Variants in PTPRQ observed in about 807,000 individuals in gnomAD.
PTPRQ encodes the protein protein tyrosine phosphatase receptor type Q.
In PTPRQ, 199 loss-of-function variants were observed where a neutral mutation model predicts 246.0. The ratio of observed to expected loss-of-function variants is 0.81; its 90% CI spans 0.72 to 0.91. The LOEUF (loss-of-function observed/expected upper bound fraction) is 0.91. Ranked by LOEUF, PTPRQ falls within the 40% of genes least tolerant of loss-of-function variation. The pLI is 0.00. For synonymous variants in PTPRQ, 869 were observed against 853.2 expected (o/e 1.02, Z -0.32); for missense variants, 2,624 against 2,528.4 (o/e 1.04, Z -0.81).
Position 80,649,617 on chromosome 12 carries a change from A to G in PTPRQ, c.5972A>G (p.His1991Arg). Reference sequence around the variant, plus strand: ...ATAAGCAAGAAATCCTTCCTGCAACATGTTGAAGAGCTTTGCACAAACAAC... The same window carrying G: ...ATAAGCAAGAAATCCTTCCTGCAACGTGTTGAAGAGCTTTGCACAAACAAC... Reference protein sequence around the residue: ...KPISKKSFLQHVEELCTNNNL... With the variant: ...KPISKKSFLQRVEELCTNNNL... The change falls in exon 37 of 45, where the codon CAT becomes CGT. Residue 1991 changes from histidine (H) to arginine (R), a missense_variant. Transcript: ENST00000644991. 1.3e-6 allele frequency: 2 copies of G among 1,549,996 alleles called. No individual in the cohort carries two copies. The highest frequency in any genetic ancestry group is 1.7e-6 in the Non-Finnish European group (2 of 1,145,906).
chr12:80,499,103 A>G (rs904362913), intron 14 of PTPRQ, among the ~76,000 whole-genome samples: 2 of 82,982 alleles, frequency 2.4e-5, no homozygotes, highest in Non-Finnish European at 5.7e-5. Context: ...CACAAGTTAT[A>G]GTACATGAGA....
intron 25 of PTPRQ, among the ~76,000 whole-genome samples, chr12:80,560,648 C>T (rs1420081899): frequency 2.0e-5 from 3 of 152,170 alleles, no homozygotes; most frequent in Non-Finnish European, 4.4e-5. Flanking sequence ...TTAAGATACA[C>T]ATACATACAA....
At chr12:80,660,682 G>T (rs1412774288) in intron 39 of PTPRQ, among the ~76,000 whole-genome samples, 1 of 151,972 alleles carries the variant, frequency 6.6e-6, no homozygotes, top group African/African-American at 2.4e-5. Context: ...AGAGATTAAA[G>T]GCTATCATGC....
In PTPRQ at chr12:80,449,015, T is replaced by G. The variant is rs1592512497; in HGVS notation, c.390+3298T>G. On this transcript the variant is annotated intron_variant, in intron 3 of 44. Coordinates refer to ENST00000644991, the MANE Select transcript of PTPRQ (RefSeq NM_001145026.2). ...AACAGTGTAAAAGTGTTCCTATTTC[T>G]CCATATCCTCTCCAGCACTTGTTCT... is the stretch of plus-strand genomic sequence containing the variant. Among the ~76,000 whole-genome samples, 5 of 151,998 alleles carry G rather than the reference T, an allele frequency of 3.3e-5. No individual in the cohort carries two copies. The South Asian group carries it at 1.0e-3, about 32-fold the overall frequency.
chr12:80,571,821 C>G (rs556950792), intron 25 of PTPRQ, among the ~76,000 whole-genome samples: 20 of 151,930 alleles, frequency 1.3e-4, no homozygotes, highest in Non-Finnish European at 2.7e-4. Context: ...ATAGGTCAAT[C>G]ACTTGACCCT....
intron 22 of PTPRQ, 139 bp downstream of exon 22, chr12:80,542,503 T>A: frequency 8.3e-7 from 1 of 1,200,564 alleles, no homozygotes; most frequent in Non-Finnish European, 1.1e-6. Flanking sequence ...ACTTTGTTGA[T>A]TTTTTTTTGC....
chr12:80,465,662 C>G (rs1157280350), intron 6 of PTPRQ: 2 of 152,208 alleles, frequency 1.3e-5, no homozygotes, highest in Non-Finnish European at 2.9e-5. Context: ...CCACCATGAT[C>G]AAGTGGGCTT....
At position 80,670,471 on chromosome 12, in the gene PTPRQ, C is replaced by T. The variant is rs367750989; in HGVS notation, c.6581C>T (p.Thr2194Ile). 1 of 1,549,892 alleles carries T rather than the reference C, an allele frequency of 6.5e-7. No homozygotes were observed. Among genetic ancestry groups the T allele is most frequent in the Admixed American group, 2.0e-5 (1 of 50,736 alleles). Residue 2194 changes from threonine to isoleucine, a missense_variant, in exon 42 of 45, where the codon ACA (threonine) becomes ATA (isoleucine). Coordinates refer to ENST00000644991, the MANE Select transcript of PTPRQ (RefSeq NM_001145026.2). ...LVRASRAHDT[T>I]PMIVHCSAGV... ...CGAGCAAGCAGGGCACATGACACCA[C>T]ACCTATGATTGTTCACTGCAGGTGA...
At chr12:80,499,609 G>A (rs1894735198) in intron 14 of PTPRQ, among the ~76,000 whole-genome samples, 1 of 151,932 alleles carries the variant, frequency 6.6e-6, no homozygotes, top group Non-Finnish European at 1.5e-5. Flanking sequence ...GAAATTGAGT[G>A]ATGTGTTAAC....
Position 80,496,515 on chromosome 12 carries a change from A to G in PTPRQ, c.2256A>G (p.Val752=), listed in dbSNP as rs551059621. ...HGNQVSSLLS[V]RTSETVPDSA... ...ATCAGGTATCTTCTTTACTCTCTGTAAGGACTTCGGAGACTGGTGAGCTTT... is the reference window on the plus strand; with the variant it reads ...ATCAGGTATCTTCTTTACTCTCTGTGAGGACTTCGGAGACTGGTGAGCTTT... The change falls in exon 14 of 45, where the codon GTA becomes GTG. Residue 752 remains valine, a synonymous_variant. Transcript: ENST00000644991. The G allele has an allele frequency of 1.3e-4, 200 of 1,538,936 alleles. No homozygotes were observed. Among genetic ancestry groups the G allele is most frequent in the Non-Finnish European group, 1.7e-4 (194 of 1,143,074 alleles).
At chr12:80,575,292 A>G (rs12297935) in intron 25 of PTPRQ, among the ~76,000 whole-genome samples, 3,099 of 152,294 alleles carry the variant, frequency 0.02, 98 homozygotes, top group African/African-American at 0.07. Flanking sequence ...TTTTTGTTCT[A>G]AAAATCTTTT....
At chr12:80,559,847 A>T (rs1475502366) in intron 25 of PTPRQ, among the ~76,000 whole-genome samples, 1 of 152,148 alleles carries the variant, frequency 6.6e-6, no homozygotes, top group Non-Finnish European at 1.5e-5. Flanking sequence ...TCCTGTCCAC[A>T]TTTTGTAAAA....
intron 8 of PTPRQ, among the ~76,000 whole-genome samples, chr12:80,482,056 C>G (rs1223194914): frequency 2.0e-5 from 3 of 149,928 alleles, no homozygotes; most frequent in African/African-American, 7.4e-5. Context: ...AAAAAAGAGC[C>G]CGCATCGCCA....
chr12:80,652,626 AGGTG>A (rs1900293017), intron 37 of PTPRQ, 114 bp from the exon 38 acceptor site: 2 of 962,724 alleles, frequency 2.1e-6, no homozygotes, highest in South Asian at 2.6e-5. Context: ...CAGTTATGAT[AGGTG>A]TTTTTAATTT....
intron 11 of PTPRQ, 43 bp from the exon 12 acceptor site, chr12:80,495,149 G>A: frequency 6.5e-7 from 1 of 1,548,094 alleles, no homozygotes; most frequent in Non-Finnish European, 8.7e-7. Flanking sequence ...GTTGTACACT[G>A]TGATACTTTT....
rs1400331385 is a variant in PTPRQ at position 80,642,918 on chromosome 12, T to TCAA, written c.5916-5979_5916-5978insCAA. ...CTGGGCGACAGAGCGAGACTCCGTC[T>TCAA]TAAAAAAAAAAAAAAAAAAAAAAAA... On this transcript the variant is annotated intron_variant, in intron 35 of 44. Transcript: ENST00000644991. Among the ~76,000 whole-genome samples, 445 of 69,336 alleles carry TCAA rather than the reference T, an allele frequency of 6.4e-3. 51 individuals are homozygous for TCAA. The highest frequency in any genetic ancestry group is 0.039 in the African/African-American group (293 of 7,518). 45.5% of individuals were successfully genotyped at this position (69,336 alleles called of 152,430 possible).
At chr12:80,655,232 A>C (rs984753805) in intron 38 of PTPRQ, among the ~76,000 whole-genome samples, 1 of 152,166 alleles carries the variant, frequency 6.6e-6, no homozygotes, top group Non-Finnish European at 1.5e-5. Flanking sequence ...CCTGGGTTAC[A>C]TATCTGTTTA....
chr12:80,498,362 C>G (rs1894692619), intron 14 of PTPRQ, among the ~76,000 whole-genome samples: 1 of 151,924 alleles, frequency 6.6e-6, no homozygotes, highest in Non-Finnish European at 1.5e-5. Context: ...AAAACTAAGT[C>G]TAACGAAAAA....
rs574844447 is a variant in PTPRQ at position 80,574,860 on chromosome 12, T to C, written c.4286-13269T>C. ...ACTGAGCTCCTTGGATTCTCCGTCA[T>C]GTACATATAATTAAAATATTAGGCA... On this transcript the variant is annotated intron_variant, in intron 25 of 44. Transcript: ENST00000644991. Among the ~76,000 whole-genome samples the C allele has an allele frequency of 1.3e-4, 20 of 152,316 alleles. No individual in the cohort carries two copies. In the South Asian group the frequency reaches 1.4e-3, roughly 11 times the overall value.
Sources: gnomAD v4.1 joint callset for allele counts (sites outside exome capture counted in the v4.1 genomes callset) on GRCh38, gnomAD v4.1.1 for gene constraint, MANE v1.5 for transcripts, NCBI Gene and HGNC (gene_info 2026-07-23, HGNC 2026-07-21) for gene names.